The following XRN2 variants were observed in gnomAD, a reference collection of about 807,000 sequenced individuals.
XRN2 encodes the protein 5'-3' exoribonuclease 2, also known as DHM1-like protein.
In XRN2, 44 loss-of-function variants were observed where a neutral mutation model predicts 138.5. That is an observed-to-expected ratio of 0.32 (90% confidence interval 0.25 to 0.41). The LOEUF (loss-of-function observed/expected upper bound fraction) is 0.41. Among genes scored for constraint, XRN2 ranks in the 10% least tolerant of loss-of-function variants. The pLI is 1.00. For missense variants in XRN2, 937 were observed against 1,169.3 expected (o/e 0.80, Z 2.90); for synonymous variants, 354 against 369.4 (o/e 0.96, Z 0.48).
intron 27 of XRN2, among the ~76,000 whole-genome samples, chr20:21,375,810 T>A (rs573499949): frequency 1.4e-4 from 21 of 146,992 alleles, no homozygotes; most frequent in Middle Eastern, 3.6e-3. Context: ...TACCAGGTGT[T>A]TTTATTTATT....
At chr20:21,370,663 C>T (rs2122325071) in intron 27 of XRN2, among the ~76,000 whole-genome samples, 1 of 152,272 alleles carries the variant, frequency 6.6e-6, no homozygotes, top group South Asian at 2.1e-4. Flanking sequence ...CTTTCCTTAA[C>T]CCCTCATAAT....
At chr20:21,308,676 T>C (rs537336962) in intron 1 of XRN2, among the ~76,000 whole-genome samples, 27 of 152,348 alleles carry the variant, frequency 1.8e-4, no homozygotes, top group Admixed American at 1.2e-3. Context: ...TTATCTTCGG[T>C]TGTCTTACTT....
chr20:21,371,782 A>G (rs1038794941), intron 27 of XRN2, among the ~76,000 whole-genome samples: 2 of 152,256 alleles, frequency 1.3e-5, no homozygotes, highest in African/African-American at 2.4e-5. Context: ...GAAAGAAGCC[A>G]GAAGGTTCTT....
intron 14 of XRN2, among the ~76,000 whole-genome samples, chr20:21,339,937 G>GT (rs1272627139): frequency 6.6e-6 from 1 of 152,164 alleles, no homozygotes; most frequent in Non-Finnish European, 1.5e-5. Context: ...AGGGAGAAAA[G>GT]TAGAGTTATT....
In XRN2 at chr20:21,303,686, G is replaced by A. The variant is rs2037771490; in HGVS notation, c.75+213G>A. The stretch of plus-strand genomic sequence containing the variant: ...CGAGGAATTCAGGACCCTCGGCGGG[G>A]CAAGGGCCTATAGGGTTCCGAACTC... On this transcript the variant is annotated intron_variant, in intron 1 of 29. Transcript: ENST00000377191. 5.3e-6 allele frequency: 7 copies of A among 1,322,284 alleles called. No homozygotes were observed. In the African/African-American group the frequency reaches 7.8e-5, roughly 15 times the overall value. The allele number at this position is 1,322,284 out of a possible 1,614,324, so 81.9% of individuals were successfully genotyped here. A position where few individuals can be genotyped will look rare whatever the true frequency, so the allele number is the denominator to read the frequency against.
intron 3 of XRN2, among the ~76,000 whole-genome samples, chr20:21,328,313 G>C (rs886457335): frequency 3.3e-5 from 5 of 152,156 alleles, no homozygotes; most frequent in African/African-American, 1.2e-4. Flanking sequence ...AAGTGCTAGG[G>C]CTTCATAGGA....
In XRN2 at chr20:21,375,812, T is replaced by G. The variant is rs925659154; in HGVS notation, c.2585-6182T>G. On this transcript the variant is annotated intron_variant, in intron 27 of 29. Transcript: ENST00000377191. ...CCACTCCCACCAATACCAGGTGTTT[T>G]TATTTATTTATTTATTTTTTATTTA... Among the ~76,000 whole-genome samples, 15 of 146,620 alleles carry G rather than the reference T, an allele frequency of 1.0e-4. No individual in the cohort carries two copies. In the South Asian group the frequency reaches 2.7e-3, roughly 27 times the overall value.
At chr20:21,334,292 G>A in intron 13 of XRN2, 107 bp downstream of exon 13, 1 of 878,290 alleles carries the variant, frequency 1.1e-6, no homozygotes, top group Non-Finnish European at 1.8e-6. Flanking sequence ...TATCATTATG[G>A]TGTGTCAACA....
In XRN2 at chr20:21,340,869, T is replaced by A. The variant is rs1047500214; in HGVS notation, c.1410+17T>A. On this transcript the variant is annotated intron_variant, in intron 15 of 29. Transcript: ENST00000377191. ...AATAACTCTGTAAGTGGCTTACTTT[T>A]ATGTGACATTTAAGAGTGGTGAATA... 6.2e-7 allele frequency: 1 copy of A among 1,613,612 alleles called. No homozygotes were observed. Among genetic ancestry groups the A allele is most frequent in the East Asian group, 2.2e-5 (1 of 44,844 alleles).
chr20:21,351,624 C>T (rs2038511128), intron 20 of XRN2, among the ~76,000 whole-genome samples: 1 of 151,980 alleles, frequency 6.6e-6, no homozygotes, highest in Non-Finnish European at 1.5e-5. Flanking sequence ...TTTGTTGTTT[C>T]CTGTGCTTTT....
At chr20:21,378,151 C>T (rs2122349604) in intron 27 of XRN2, among the ~76,000 whole-genome samples, 1 of 152,298 alleles carries the variant, frequency 6.6e-6, no homozygotes, top group African/African-American at 2.4e-5. Context: ...TCCTATAAAT[C>T]CTGTATTTGC....
At chr20:21,313,555 C>A (rs2037916108) in intron 1 of XRN2, among the ~76,000 whole-genome samples, 1 of 152,158 alleles carries the variant, frequency 6.6e-6, no homozygotes, top group South Asian at 2.1e-4. Flanking sequence ...CAGTTACAAT[C>A]CTGTTACAGA....
chr20:21,362,776 C>T (rs191439648), intron 24 of XRN2, among the ~76,000 whole-genome samples: 3 of 152,234 alleles, frequency 2.0e-5, no homozygotes, highest in African/African-American at 7.2e-5. Flanking sequence ...AGAATTCTGC[C>T]TTGAGATCTT....
chr20:21,365,002 G>A (rs2038678434), intron 24 of XRN2, among the ~76,000 whole-genome samples: 1 of 151,906 alleles, frequency 6.6e-6, no homozygotes, highest in South Asian at 2.1e-4. Flanking sequence ...TATTTCTATT[G>A]GTATATCCAT....
rs534341335 is a variant in XRN2, at chr20:21,333,855, G to C, written c.1067+18G>C. The C allele has an allele frequency of 1.4e-5, 22 of 1,613,992 alleles. No individual in the cohort carries two copies. The highest frequency in any genetic ancestry group is 8.0e-5 in the African/African-American group (6 of 74,912). ...GAGATTAGGTATGTGCATTTGTGTA[G>C]CTTTTCAAACGACTGTTTTAGGCTT... On this transcript the variant is annotated intron_variant, in intron 11 of 29. Coordinates refer to ENST00000377191, the MANE Select transcript of XRN2 (RefSeq NM_012255.5).
chr20:21,349,499 C>A, intron 20 of XRN2, 38 bp downstream of exon 20: 1 of 1,391,518 alleles, frequency 7.2e-7, no homozygotes, highest in Non-Finnish European at 1.0e-6. Context: ...AAACTGTGAA[C>A]AAACATAATT....
intron 26 of XRN2, among the ~76,000 whole-genome samples, chr20:21,365,981 G>A (rs1323114660): frequency 5.1e-5 from 5 of 97,798 alleles, no homozygotes; most frequent in Admixed American, 2.8e-4. Context: ...CACCGTGCCC[G>A]GCCGAAACCC....
intron 20 of XRN2, 29 bp from the exon 21 acceptor site, chr20:21,354,760 G>A: frequency 6.2e-7 from 1 of 1,608,108 alleles, no homozygotes; most frequent in Non-Finnish European, 8.5e-7. Context: ...CTGGTAGCAG[G>A]GGTGGTTCAT....
At chr20:21,320,023 T>C (rs2038015697) in intron 1 of XRN2, among the ~76,000 whole-genome samples, 1 of 152,178 alleles carries the variant, frequency 6.6e-6, no homozygotes, top group Admixed American at 6.5e-5. Context: ...CTTGCTTTAG[T>C]AACTTTAGTA....
Sources: gnomAD v4.1 joint callset for allele counts (sites outside exome capture counted in the v4.1 genomes callset) on GRCh38, gnomAD v4.1.1 for gene constraint, MANE v1.5 for transcripts, NCBI Gene and HGNC (gene_info 2026-07-23, HGNC 2026-07-21) for gene names.